CHST8: variants seen among roughly 807,000 people sequenced by gnomAD.
CHST8 encodes the protein GALNAC-4-ST1.
CHST8 carries 10 observed loss-of-function variants against 15.0 expected under a neutral mutation model. The ratio of observed to expected loss-of-function variants is 0.67; its 90% CI spans 0.41 to 1.13. The LOEUF is 1.13. Ranked by LOEUF, CHST8 falls within the 50% of genes most tolerant of loss-of-function variation. The pLI, the probability that CHST8 is intolerant of heterozygous loss-of-function variation, is 0.00. For synonymous variants in CHST8, 259 were observed against 256.6 expected (o/e 1.01, Z -0.09); for missense variants, 634 against 608.2 (o/e 1.04, Z -0.45).
intron 2 of CHST8, among the ~76,000 whole-genome samples, chr19:33,684,289 T>C (rs1972937067): frequency 6.6e-6 from 1 of 152,046 alleles, no homozygotes; most frequent in Non-Finnish European, 1.5e-5. Context: ...AACCCTGCCT[T>C]GTAACAGGGC....
chr19:33,657,309 C>T (rs987137469), intron 1 of CHST8, among the ~76,000 whole-genome samples: 1 of 150,054 alleles, frequency 6.7e-6, no homozygotes, highest in Non-Finnish European at 1.5e-5. Flanking sequence ...TGCTCTGTTG[C>T]CCAGGCTGGA....
intron 1 of CHST8, among the ~76,000 whole-genome samples, chr19:33,647,591 A>G (rs747299277): frequency 1.3e-5 from 2 of 152,194 alleles, no homozygotes; most frequent in Admixed American, 6.5e-5. Flanking sequence ...CACGCTTATA[A>G]TCCTAGCACT....
At chr19:33,642,411 G>A (rs925650450) in intron 1 of CHST8, among the ~76,000 whole-genome samples, 3 of 152,042 alleles carry the variant, frequency 2.0e-5, no homozygotes, top group Non-Finnish European at 4.4e-5. Flanking sequence ...CGCCCAGGCT[G>A]GAGCGCAGTG....
At chr19:33,699,071 G>T (rs908105391) in intron 3 of CHST8, among the ~76,000 whole-genome samples, 1 of 152,174 alleles carries the variant, frequency 6.6e-6, no homozygotes, top group Non-Finnish European at 1.5e-5. Context: ...ATGCCAGCAT[G>T]GAGATTCATG....
rs1406371289 is a variant in CHST8, at chr19:33,622,282, C to G, written c.-178C>G. 1.3e-5 allele frequency: 2 copies of G among 152,218 alleles called. No individual in the cohort carries two copies. The highest frequency in any genetic ancestry group is 4.8e-5 in the African/African-American group (2 of 41,452). 9.4% of individuals were successfully genotyped at this position (152,218 alleles called of 1,614,324 possible). A position where few individuals can be genotyped will look rare whatever the true frequency, so the allele number is the denominator to read the frequency against. The stretch of plus-strand genomic sequence containing the variant: ...CTGGAGGCGCCCGCGGCCTCGGGTG[C>G]GTCCGCTGCGCCAGGTAAGTGGCTG... On this transcript the variant is annotated 5_prime_UTR_variant, in exon 1 of 5. Transcript: ENST00000650847.
chr19:33,698,687 T>A (rs1237941974), intron 3 of CHST8, among the ~76,000 whole-genome samples: 1 of 151,792 alleles, frequency 6.6e-6, no homozygotes, highest in African/African-American at 2.4e-5. Context: ...GTCGGGGCAA[T>A]GGGGCAAGAG....
chr19:33,750,394 C>T (rs1451812476), intron 3 of CHST8, among the ~76,000 whole-genome samples: 2 of 152,206 alleles, frequency 1.3e-5, no homozygotes, highest in Admixed American at 6.5e-5. Flanking sequence ...GGGCTACCCC[C>T]AGGACCCCAG....
chr19:33,740,285 T>C (rs2145338663), intron 3 of CHST8, among the ~76,000 whole-genome samples: 1 of 152,312 alleles, frequency 6.6e-6, no homozygotes, highest in South Asian at 2.1e-4. Flanking sequence ...GGCTCTTCAG[T>C]GACGCCCAGG....
chr19:33,751,593 C>G (rs1378648088), intron 3 of CHST8, among the ~76,000 whole-genome samples: 3 of 152,182 alleles, frequency 2.0e-5, no homozygotes, highest in African/African-American at 4.8e-5. Context: ...TGTGAACCCC[C>G]CAGCCTCCTG....
At chr19:33,635,410 C>T (rs1411264086) in intron 1 of CHST8, among the ~76,000 whole-genome samples, 2 of 152,086 alleles carry the variant, frequency 1.3e-5, no homozygotes, top group Non-Finnish European at 1.5e-5. Flanking sequence ...AGGAGGGAGG[C>T]AGTTTCGTAT....
At chr19:33,629,108 G>A (rs556691638) in intron 1 of CHST8, among the ~76,000 whole-genome samples, 7 of 152,272 alleles carry the variant, frequency 4.6e-5, no homozygotes, top group Admixed American at 6.5e-5. Flanking sequence ...CAAGCTGCTC[G>A]ACGGCCAGAC....
At chr19:33,672,467 G>A (rs982984478) in intron 2 of CHST8, among the ~76,000 whole-genome samples, 8 of 152,194 alleles carry the variant, frequency 5.3e-5, no homozygotes. Flanking sequence ...CCAAAGTGCT[G>A]GGATTACAGG....
chr19:33,734,370 T>G (rs1257163780), intron 3 of CHST8, among the ~76,000 whole-genome samples: 3 of 152,208 alleles, frequency 2.0e-5, no homozygotes, highest in Non-Finnish European at 4.4e-5. Context: ...ATAGCCATTC[T>G]TCATTCCTTT....
intron 3 of CHST8, among the ~76,000 whole-genome samples, chr19:33,703,998 G>C (rs1030938536): frequency 6.6e-6 from 1 of 152,216 alleles, no homozygotes. Flanking sequence ...TCATGTTCGC[G>C]TCTGGGGTCC....
At position 33,699,453 on chromosome 19, in the gene CHST8, A is replaced by G. The variant is rs77440478; in HGVS notation, c.130+10062A>G. On this transcript the variant is annotated intron_variant, in intron 3 of 4. Transcript: ENST00000650847. The stretch of plus-strand genomic sequence containing the variant: ...AGAGGTGAGTGCTGAAGGAGCCAGG[A>G]GGACTTCCTGGAAGAGGGGAACTGT... Among the ~76,000 whole-genome samples the G allele has an allele frequency of 6.5e-3, 996 of 152,270 alleles. 13 individuals carry two copies. The highest frequency in any genetic ancestry group is 0.01 in the Non-Finnish European group (685 of 68,002).
intron 1 of CHST8, among the ~76,000 whole-genome samples, chr19:33,623,416 C>CTGG (rs372833846): frequency 2.5e-4 from 38 of 152,308 alleles, no homozygotes; most frequent in African/African-American, 9.1e-4. Context: ...TTGGCGCGAT[C>CTGG]TGGCGCAGCA....
chr19:33,765,932 T>C (rs1348134070), intron 3 of CHST8, among the ~76,000 whole-genome samples: 2 of 152,196 alleles, frequency 1.3e-5, no homozygotes, highest in South Asian at 4.2e-4. Flanking sequence ...CCTTCCACAA[T>C]GTGGGTGGGC....
rs1453753986 is a variant in CHST8 at position 33,651,365 on chromosome 19, T to C, written c.-163-16402T>C. ...GATTGTATCTATGGGATGAGATCTT[T>C]TAAACTTAAAAAAAAGCGTCCTATA... On this transcript the variant is annotated intron_variant, in intron 1 of 4. Coordinates refer to ENST00000650847, the MANE Select transcript of CHST8 (RefSeq NM_001127895.2). 5.1e-5 allele frequency among the ~76,000 whole-genome samples: 7 copies of C among 136,104 alleles called. No individual in the cohort carries two copies. The South Asian group carries it at 1.3e-3, about 26-fold the overall frequency. The allele number at this position is 136,104 out of a possible 152,430, so 89.3% of individuals were successfully genotyped here.
At chr19:33,626,221 G>C (rs1443020156) in intron 1 of CHST8, among the ~76,000 whole-genome samples, 1 of 152,126 alleles carries the variant, frequency 6.6e-6, no homozygotes, top group Non-Finnish European at 1.5e-5. Context: ...ATGGAAAAAA[G>C]TTGTGACTTT....
Sources: gnomAD v4.1 joint callset for allele counts (sites outside exome capture counted in the v4.1 genomes callset) on GRCh38, gnomAD v4.1.1 for gene constraint, MANE v1.5 for transcripts, NCBI Gene and HGNC (gene_info 2026-07-23, HGNC 2026-07-21) for gene names.